The following SEPTIN11 variants were observed in gnomAD, a reference collection of about 807,000 sequenced individuals.
The protein encoded by SEPTIN11 is septin-11.
Under a neutral mutation model 51.4 loss-of-function variants are expected in SEPTIN11, and 25 were observed. The ratio of observed to expected loss-of-function variants is 0.49; its 90% CI spans 0.35 to 0.68. The LOEUF (loss-of-function observed/expected upper bound fraction) is 0.68, where lower values mean the gene tolerates loss of function less well. Ranked by LOEUF, SEPTIN11 falls within the 30% of genes least tolerant of loss-of-function variation. SEPTIN11 has a pLI of 0.00. For missense variants in SEPTIN11, 381 were observed against 520.8 expected (o/e 0.73, Z 2.61); for synonymous variants, 174 against 184.1 (o/e 0.95, Z 0.44).
chr4:77,018,332 C>T (rs1725451278), intron 5 of SEPTIN11, among the ~76,000 whole-genome samples: 1 of 151,914 alleles, frequency 6.6e-6, no homozygotes, highest in Non-Finnish European at 1.5e-5. Flanking sequence ...GCCTGTAGTC[C>T]CAGCTATTTG....
intron 9 of SEPTIN11, among the ~76,000 whole-genome samples, chr4:77,032,499 G>A (rs926793127): frequency 1.3e-5 from 2 of 152,204 alleles, no homozygotes; most frequent in Admixed American, 6.5e-5. Flanking sequence ...ACAGATGAAA[G>A]CCATTGGGCA....
In SEPTIN11 at chr4:77,019,196, C is replaced by G. The variant is rs759768495; in HGVS notation, c.719C>G (p.Thr240Ser). 34 of 1,613,490 alleles carry G rather than the reference C, an allele frequency of 2.1e-5. No homozygotes were observed. In the African/African-American group the frequency reaches 3.1e-4, roughly 15 times the overall value. Residue 240 changes from threonine (T) to serine (S), a missense_variant, in exon 6 of 10, where the codon ACC becomes AGC. Coordinates refer to ENST00000264893, the MANE Select transcript of SEPTIN11 (RefSeq NM_018243.4). Reference protein sequence around the residue: ...VHLPFAVVGSTEEVKIGNKMA... With the variant: ...VHLPFAVVGSSEEVKIGNKMA... ...CTCCCATTTGCAGTGGTTGGCAGCA[C>G]CGAAGAGGTGAAGATTGGCAACAAG...
chr4:76,964,885 G>A (rs1298419479), intron 1 of SEPTIN11, among the ~76,000 whole-genome samples: 1 of 152,182 alleles, frequency 6.6e-6, no homozygotes, highest in African/African-American at 2.4e-5. Flanking sequence ...GATCATTTTA[G>A]TCTAGTCTCC....
chr4:77,039,338 A>G, downstream of SEPTIN11: 1 of 1,093,044 alleles, frequency 9.1e-7, no homozygotes, highest in South Asian at 2.5e-5. Context: ...GAAAAAGGAA[A>G]TTGACTGAAA....
At chr4:76,955,461 G>GTAA (rs1369425984) in intron 1 of SEPTIN11, among the ~76,000 whole-genome samples, 1 of 152,220 alleles carries the variant, frequency 6.6e-6, no homozygotes, top group Non-Finnish European at 1.5e-5. Context: ...GTCAGCCTTA[G>GTAA]GGTTGGGTAG....
chr4:76,987,968 C>T (rs918223780), intron 1 of SEPTIN11: 1 of 251,942 alleles, frequency 4.0e-6, no homozygotes, highest in Non-Finnish European at 6.3e-6. Context: ...CCTCTGCTGC[C>T]CCATGGTTTC....
At position 77,036,580 on chromosome 4, in the gene SEPTIN11, T is replaced by G. The variant is rs878909437; in HGVS notation, c.*2068T>G. 1.4e-6 allele frequency: 2 copies of G among 1,425,924 alleles called. No homozygotes were observed. The highest frequency in any genetic ancestry group is 2.6e-5 in the East Asian group (1 of 38,250). The allele number at this position is 1,425,924 out of a possible 1,614,324, so 88.3% of individuals were successfully genotyped here. On this transcript the variant is annotated 3_prime_UTR_variant, in exon 10 of 10. Coordinates refer to ENST00000264893, the MANE Select transcript of SEPTIN11 (RefSeq NM_018243.4). ...ATTGATTGGATTGACTTTTTTGCATTAAATTTTTCCCAGCAAAATAAATCA... is the reference window on the plus strand; with the variant it reads ...ATTGATTGGATTGACTTTTTTGCATGAAATTTTTCCCAGCAAAATAAATCA...
At chr4:76,970,802 G>A (rs1722208362) in intron 1 of SEPTIN11, among the ~76,000 whole-genome samples, 1 of 152,054 alleles carries the variant, frequency 6.6e-6, no homozygotes, top group African/African-American at 2.4e-5. Context: ...CTGTATTCAG[G>A]GCCTTCCCCT....
At chr4:76,990,451 C>G (rs1723312277) in intron 1 of SEPTIN11, among the ~76,000 whole-genome samples, 1 of 152,142 alleles carries the variant, frequency 6.6e-6, no homozygotes, top group Non-Finnish European at 1.5e-5. Context: ...CAACTGAGAC[C>G]AGTCCGTGGC....
chr4:77,016,655 T>TATATATATATATATATAC (rs1553975019), intron 5 of SEPTIN11, among the ~76,000 whole-genome samples: 15 of 109,026 alleles, frequency 1.4e-4, no homozygotes, highest in African/African-American at 3.0e-4. Context: ...TATATATATA[T>TATATATATATATATATAC]ACACATATAT....
intron 4 of SEPTIN11, among the ~76,000 whole-genome samples, chr4:77,013,613 T>C (rs937467343): frequency 4.6e-5 from 7 of 152,224 alleles, no homozygotes; most frequent in African/African-American, 1.7e-4. Flanking sequence ...CAATGATGTT[T>C]TTCTTAGTCT....
intron 1 of SEPTIN11, among the ~76,000 whole-genome samples, chr4:76,952,758 C>T (rs1721399820): frequency 6.6e-6 from 1 of 152,178 alleles, no homozygotes; most frequent in African/African-American, 2.4e-5. Flanking sequence ...CTAAGAAGAC[C>T]CTGAAGCACA....
At chr4:77,002,955 G>A (rs758313593) in intron 2 of SEPTIN11, among the ~76,000 whole-genome samples, 1 of 152,094 alleles carries the variant, frequency 6.6e-6, no homozygotes, top group Non-Finnish European at 1.5e-5. Flanking sequence ...GAGCGCCCAA[G>A]CATTAATTTC....
In SEPTIN11 at chr4:77,034,782, C is replaced by T. The variant is rs903432002; in HGVS notation, c.*270C>T. ...TTTATGCCTGTTCTGAATGGCAGCA[C>T]GAAGCAGGCCTGTTACTTGTATGTC... On this transcript the variant is annotated 3_prime_UTR_variant, in exon 10 of 10. Transcript: ENST00000264893. The T allele has an allele frequency of 1.1e-5, 13 of 1,150,698 alleles. 1 individual carries two copies. The highest frequency in any genetic ancestry group is 3.6e-4 in the Middle Eastern group (1 of 2,778). The allele number at this position is 1,150,698 out of a possible 1,614,324, so 71.3% of individuals were successfully genotyped here.
chr4:77,028,854 A>G, intron 8 of SEPTIN11, 93 bp downstream of exon 8: 1 of 1,328,178 alleles, frequency 7.5e-7, no homozygotes, highest in Non-Finnish European at 1.0e-6. Context: ...TGGTCCAAGT[A>G]CTTTCTACAT....
In SEPTIN11 at chr4:77,005,641, G is replaced by A; in HGVS notation, c.183G>A (p.Leu61=). The A allele has an allele frequency of 6.2e-7, 1 of 1,614,024 alleles. No individual in the cohort carries two copies. Among genetic ancestry groups the A allele is most frequent in the Non-Finnish European group, 8.5e-7 (1 of 1,179,936 alleles). Residue 61 remains leucine (L), a synonymous_variant, in exon 3 of 10, where the codon TTG becomes TTA. Transcript: ENST00000264893. ...GIGKSTLMDT[L]FNTKFESDPA... is the part of the protein sequence containing the mutation. ...GCAAATCCACGTTAATGGACACTTT[G>A]TTCAACACCAAATTTGAAAGTGACC...
chr4:77,019,306 A>T, intron 6 of SEPTIN11, 45 bp downstream of exon 6: 1 of 1,479,056 alleles, frequency 6.8e-7, no homozygotes, highest in Non-Finnish European at 9.2e-7. Context: ...TTTAGCCCCT[A>T]TGTGAATGGC....
chr4:77,032,305 T>A (rs1286495911), intron 9 of SEPTIN11: 1 of 152,224 alleles, frequency 6.6e-6, no homozygotes, highest in Non-Finnish European at 1.5e-5. Flanking sequence ...TTGGCACAGA[T>A]CCAAGTGACC....
intron 1 of SEPTIN11, among the ~76,000 whole-genome samples, chr4:76,976,867 C>T (rs896604449): frequency 6.6e-6 from 1 of 152,204 alleles, no homozygotes; most frequent in African/African-American, 2.4e-5. Flanking sequence ...GATGATGATA[C>T]TGAAAACCAG....
Sources: allele counts gnomAD v4.1 joint callset (sites outside exome capture counted in the v4.1 genomes callset), GRCh38; gene constraint gnomAD v4.1.1; transcripts MANE v1.5; gene names NCBI Gene and HGNC (gene_info 2026-07-23, HGNC 2026-07-21).